Variants in GSTCD observed in about 807,000 individuals in gnomAD.
The protein encoded by GSTCD is glutathione S-transferase C-terminal domain-containing protein.
Under a neutral mutation model 68.3 loss-of-function variants are expected in GSTCD, and 44 were observed. The ratio of observed to expected loss-of-function variants is 0.64; its 90% CI spans 0.51 to 0.83. The LOEUF (loss-of-function observed/expected upper bound fraction) is 0.83. Ranked by LOEUF, GSTCD falls within the 40% of genes least tolerant of loss-of-function variation. The pLI is 0.00. For synonymous variants in GSTCD, 273 were observed against 255.2 expected, an observed-to-expected ratio of 1.07 and a Z score of -0.67; for missense variants, 739 against 735.9, an observed-to-expected ratio of 1.00 and a Z score of -0.05.
intron 5 of GSTCD, among the ~76,000 whole-genome samples, chr4:105,781,184 C>T (rs1269802486): frequency 1.3e-5 from 2 of 152,288 alleles, no homozygotes; most frequent in South Asian, 4.1e-4. Context: ...TAAATGTTAA[C>T]ATTATTTAGT....
intron 5 of GSTCD, among the ~76,000 whole-genome samples, chr4:105,818,215 T>C (rs1310308879): frequency 2.0e-5 from 3 of 151,844 alleles, no homozygotes; most frequent in Non-Finnish European, 4.4e-5. Context: ...ATAGACTTTA[T>C]AGTATAAAAG....
intron 5 of GSTCD, among the ~76,000 whole-genome samples, chr4:105,777,792 G>A (rs920132010): frequency 2.6e-5 from 4 of 152,188 alleles, no homozygotes; most frequent in Non-Finnish European, 5.9e-5. Context: ...AGAAGACAAC[G>A]TTTGTAACAC....
chr4:105,840,664 T>A (rs1724298935), intron 10 of GSTCD, among the ~76,000 whole-genome samples: 1 of 152,228 alleles, frequency 6.6e-6, no homozygotes, highest in Non-Finnish European at 1.5e-5. Context: ...CTCTGCCTAA[T>A]CACTCACTTT....
chr4:105,773,261 G>A (rs963465695), intron 5 of GSTCD, among the ~76,000 whole-genome samples: 7 of 151,630 alleles, frequency 4.6e-5, no homozygotes, highest in Admixed American at 6.6e-5. Context: ...TTCTTTATTA[G>A]TCTGGCTAGC....
At chr4:105,814,591 G>C (rs1288441365) in intron 5 of GSTCD, among the ~76,000 whole-genome samples, 2 of 152,096 alleles carry the variant, frequency 1.3e-5, no homozygotes, top group East Asian at 3.9e-4. Flanking sequence ...CAGCCTGGTT[G>C]ACAGAGACTC....
intron 5 of GSTCD, among the ~76,000 whole-genome samples, chr4:105,790,773 T>C (rs776185458): frequency 6.6e-6 from 1 of 152,032 alleles, no homozygotes; most frequent in Non-Finnish European, 1.5e-5. Flanking sequence ...CACACCCAAT[T>C]TGTGATTTGA....
intron 5 of GSTCD, among the ~76,000 whole-genome samples, chr4:105,818,980 T>C (rs1723144993): frequency 2.0e-5 from 3 of 151,846 alleles, no homozygotes; most frequent in African/African-American, 2.4e-5. Flanking sequence ...TGATGCAGAC[T>C]AACATTATAA....
chr4:105,718,014 A>G lies in GSTCD; in HGVS notation c.401A>G (p.Lys134Arg). 6.2e-7 allele frequency: 1 copy of G among 1,607,726 alleles called. No homozygotes were observed. The change falls in exon 2 of 12, where the codon AAG becomes AGG. Residue 134 changes from lysine (K) to arginine (R), a missense_variant. Physicochemically the swap from Lys to Arg is conservative, Grantham distance 26. Coordinates refer to ENST00000515279, the MANE Select transcript of GSTCD (RefSeq NM_001370181.1). ...CTTTTGGAACTTCTGGGCTTTAAAA[A>G]GACTTGCTTGAAAGCCTGTGCTGAA... ...KELLELLGFKKTCLKACAEVS... is the reference protein window; with the variant it reads ...KELLELLGFKRTCLKACAEVS...
chr4:105,743,124 G>GT (rs1312331658), intron 5 of GSTCD, among the ~76,000 whole-genome samples: 1 of 151,666 alleles, frequency 6.6e-6, no homozygotes, highest in African/African-American at 2.4e-5. Context: ...TAATTTTTTT[G>GT]TATTTTTAGT....
intron 5 of GSTCD, among the ~76,000 whole-genome samples, chr4:105,813,272 C>A (rs941901688): frequency 2.0e-5 from 3 of 152,094 alleles, no homozygotes; most frequent in Non-Finnish European, 4.4e-5. Context: ...TAAGAATATC[C>A]ATTCAGTGGA....
At chr4:105,741,091 A>G (rs1733616836) in intron 5 of GSTCD, among the ~76,000 whole-genome samples, 1 of 152,162 alleles carries the variant, frequency 6.6e-6, no homozygotes, top group Non-Finnish European at 1.5e-5. Context: ...TTAGCCATAT[A>G]TAATTCTTAA....
intron 3 of GSTCD, among the ~76,000 whole-genome samples, chr4:105,721,919 A>C (rs1476782695): frequency 6.6e-6 from 1 of 152,164 alleles, no homozygotes; most frequent in African/African-American, 2.4e-5. Context: ...TAGCGTATCA[A>C]CATTATGGGA....
At chr4:105,842,557 T>C (rs1328219445) in intron 11 of GSTCD, among the ~76,000 whole-genome samples, 1 of 152,194 alleles carries the variant, frequency 6.6e-6, no homozygotes, top group Non-Finnish European at 1.5e-5. Flanking sequence ...GTGTATTATT[T>C]ATCATAGATG....
intron 4 of GSTCD, 73 bp downstream of exon 4, chr4:105,726,903 A>C (rs999621456): frequency 1.0e-5 from 12 of 1,186,820 alleles, no homozygotes; most frequent in Middle Eastern, 2.0e-4. Context: ...TCCAACTTGT[A>C]ATCATTTGTT....
In GSTCD at chr4:105,717,834, A is replaced by C; in HGVS notation, c.221A>C (p.Gln74Pro). 6.2e-7 allele frequency: 1 copy of C among 1,613,594 alleles called. No homozygotes were observed. The highest frequency in any genetic ancestry group is 8.5e-7 in the Non-Finnish European group (1 of 1,179,486). ...RDDLIQDVEIQIISRQELPPI... is the reference protein window; with the variant it reads ...RDDLIQDVEIPIISRQELPPI... ...GACCTGATCCAGGATGTTGAAATAC[A>C]GATTATTTCAAGGCAGGAGCTCCCA... The change falls in exon 2 of 12, where the codon CAG (glutamine) becomes CCG (proline). Residue 74 changes from glutamine to proline, a missense_variant. Coordinates refer to ENST00000515279, the MANE Select transcript of GSTCD (RefSeq NM_001370181.1).
intron 5 of GSTCD, among the ~76,000 whole-genome samples, chr4:105,790,520 A>G (rs1180007517): frequency 6.6e-6 from 1 of 152,092 alleles, no homozygotes; most frequent in Non-Finnish European, 1.5e-5. Flanking sequence ...TAATGCCTGT[A>G]GCCCCAGCTA....
chr4:105,741,798 G>A (rs1733639679), intron 5 of GSTCD, among the ~76,000 whole-genome samples: 1 of 152,282 alleles, frequency 6.6e-6, no homozygotes, highest in South Asian at 2.1e-4. Context: ...TCTAACAGCA[G>A]GGCTACAGGG....
chr4:105,764,414 A>C lies in GSTCD; in HGVS notation c.1240+34915A>C, dbSNP rs57962965. Among the ~76,000 whole-genome samples, 482 of 152,314 alleles carry C rather than the reference A, an allele frequency of 3.2e-3. 8 individuals are homozygous for C. The highest frequency in any genetic ancestry group is 0.011 in the African/African-American group (459 of 41,572). On this transcript the variant is annotated intron_variant, in intron 5 of 11. Transcript: ENST00000515279. ...CAGATTTAGAGAAAGATGTGGGATA[A>C]TTACTCCTCTCAGGCTGCCATAACA...
chr4:105,828,566 ACT>A (rs1387586285), intron 8 of GSTCD, among the ~76,000 whole-genome samples: 2 of 152,196 alleles, frequency 1.3e-5, no homozygotes, highest in East Asian at 3.8e-4. Flanking sequence ...GAAAAATCAA[ACT>A]CTATGATGAA....
Sources: gnomAD v4.1 joint callset for allele counts (sites outside exome capture counted in the v4.1 genomes callset) on GRCh38, gnomAD v4.1.1 for gene constraint, MANE v1.5 for transcripts, NCBI Gene and HGNC (gene_info 2026-07-23, HGNC 2026-07-21) for gene names.